Variants in GNPTAB observed in about 807,000 individuals in gnomAD.
The protein encoded by GNPTAB is N-acetylglucosamine-1-phosphotransferase subunits alpha/beta.
A neutral mutation model predicts 136.6 loss-of-function variants in GNPTAB; 92 were observed. The ratio of observed to expected loss-of-function variants is 0.67; its 90% CI spans 0.57 to 0.80. GNPTAB has a LOEUF of 0.80. GNPTAB is among the 30% of genes least tolerant of loss of function. The probability of loss-of-function intolerance (pLI) is 0.00; values close to 1 mark genes in which losing one functional copy is unlikely to be tolerated. For missense variants in GNPTAB, 1,343 were observed against 1,501.8 expected, an observed-to-expected ratio of 0.89 and a Z score of 1.75; for synonymous variants, 512 against 535.1, an observed-to-expected ratio of 0.96 and a Z score of 0.60.
Position 101,771,121 on chromosome 12 carries a change from T to C in GNPTAB, c.808A>G (p.Lys270Glu), listed in dbSNP as rs915523652. The C allele has an allele frequency of 6.2e-7, 1 of 1,613,956 alleles. No homozygotes were observed. The change falls in exon 8 of 21, where the codon AAA becomes GAA. Residue 270 changes from lysine (K) to glutamate (E), a missense_variant. Lys to Glu is a moderately conservative substitution (Grantham distance 56, BLOSUM62 1). Transcript: ENST00000299314. Reference protein sequence around the residue: ...LYSEASVALLKLNNPKDFQEL... With the variant: ...LYSEASVALLELNNPKDFQEL... ...TGAAAATCCTTGGGGTTATTCAGTT[T>C]TAGAAGCGCTACACTGGCCTCTGAA...
intron 19 of GNPTAB, among the ~76,000 whole-genome samples, chr12:101,749,526 C>G (rs1320727709): frequency 2.0e-5 from 3 of 152,194 alleles, no homozygotes; most frequent in African/African-American, 7.2e-5. Flanking sequence ...ATAAATACTT[C>G]CTGCGTATAT....
chr12:101,763,553 CCTCCCTCTGAACTTCTTGCCCATAT>C (rs1239728156), intron 13 of GNPTAB, among the ~76,000 whole-genome samples: 4 of 152,124 alleles, frequency 2.6e-5, no homozygotes, highest in Admixed American at 6.6e-5. Context: ...GCTAAGGAGT[CCTCCCTCTGAACTTCTTGCCCATAT>C]CTCAACACAG....
At chr12:101,816,349 A>T (rs1480251345) in intron 1 of GNPTAB, among the ~76,000 whole-genome samples, 5 of 152,206 alleles carry the variant, frequency 3.3e-5, no homozygotes, top group African/African-American at 9.7e-5. Context: ...TCAATGGCAT[A>T]AAAAAACCCA....
intron 13 of GNPTAB, 47 bp downstream of exon 13, chr12:101,764,155 T>C (rs770837150): frequency 6.2e-7 from 1 of 1,612,770 alleles, no homozygotes; most frequent in Non-Finnish European, 8.5e-7. Context: ...CATGAGATTA[T>C]TTACTCTTCC....
chr12:101,775,383 C>T (rs1435973070), intron 7 of GNPTAB, among the ~76,000 whole-genome samples: 4 of 136,768 alleles, frequency 2.9e-5, no homozygotes, highest in Admixed American at 7.7e-5. Flanking sequence ...TTTTTTGAGA[C>T]GGAGTCTCAC....
At chr12:101,825,692 T>C (rs1404936190) in intron 1 of GNPTAB, among the ~76,000 whole-genome samples, 1 of 88,226 alleles carries the variant, frequency 1.1e-5, no homozygotes, top group Non-Finnish European at 2.0e-5. Context: ...TAGTATAAAA[T>C]CCATTACAAG....
chr12:101,783,720 CTTTT>C (rs113705425), intron 5 of GNPTAB, among the ~76,000 whole-genome samples: 1 of 145,062 alleles, frequency 6.9e-6, no homozygotes, highest in African/African-American at 2.5e-5. Context: ...CTAAAAATAA[CTTTT>C]TTTTTTTTTT....
intron 15 of GNPTAB, among the ~76,000 whole-genome samples, chr12:101,760,417 C>A (rs1952975547): frequency 6.6e-6 from 1 of 152,140 alleles, no homozygotes; most frequent in South Asian, 2.1e-4. Context: ...TCATGCCCTG[C>A]AGCTAGATTC....
chr12:101,753,221 C>T, intron 19 of GNPTAB, 151 bp downstream of exon 19: 1 of 668,982 alleles, frequency 1.5e-6, no homozygotes, highest in Non-Finnish European at 2.5e-6. Context: ...CCATTGCACT[C>T]CAGCTTGGGC....
Position 101,745,549 on chromosome 12 carries a change from C to A in GNPTAB, c.*1615G>T, listed in dbSNP as rs148580184. The A allele has an allele frequency of 3.9e-5, 6 of 152,346 alleles. No homozygotes were observed. Among genetic ancestry groups the A allele is most frequent in the African/African-American group, 1.2e-4 (5 of 41,584 alleles). The allele number at this position is 152,346 out of a possible 1,614,324, so 9.4% of individuals were successfully genotyped here. A position where few individuals can be genotyped will look rare whatever the true frequency, so the allele number is the denominator to read the frequency against. On this transcript the variant is annotated 3_prime_UTR_variant, in exon 21 of 21. Transcript: ENST00000299314. Reference sequence around the variant, plus strand: ...AGATTTCAGTTTTTGAAATACACAACTCTTACAGCACAAACACAGTATTTA... The same window carrying A: ...AGATTTCAGTTTTTGAAATACACAAATCTTACAGCACAAACACAGTATTTA...
intron 8 of GNPTAB, 56 bp from the exon 9 acceptor site, chr12:101,770,641 T>C (rs1482951994): frequency 1.7e-6 from 2 of 1,196,712 alleles, no homozygotes; most frequent in East Asian, 4.8e-5. Flanking sequence ...TCATACCTCC[T>C]CCTCTTTGTC....
At chr12:101,811,949 C>CTT (rs1316237952) in intron 1 of GNPTAB, among the ~76,000 whole-genome samples, 1 of 150,212 alleles carries the variant, frequency 6.7e-6, no homozygotes, top group Non-Finnish European at 1.5e-5. Flanking sequence ...GTGCTACACA[C>CTT]TTTTAAACAA....
chr12:101,829,017 A>G (rs150279149), intron 1 of GNPTAB, among the ~76,000 whole-genome samples: 94 of 152,280 alleles, frequency 6.2e-4, no homozygotes, highest in African/African-American at 2.1e-3. Flanking sequence ...CTTACAAGTT[A>G]ACCACAGGCC....
At chr12:101,768,200 T>G in intron 10 of GNPTAB, 40 bp from the exon 11 acceptor site, 1 of 1,604,326 alleles carries the variant, frequency 6.2e-7, no homozygotes, top group Non-Finnish European at 8.5e-7. Flanking sequence ...GACTTCTGGC[T>G]TCTGATACAT....
At chr12:101,752,356 T>C (rs536339357) in intron 19 of GNPTAB, among the ~76,000 whole-genome samples, 3 of 152,124 alleles carry the variant, frequency 2.0e-5, no homozygotes, top group African/African-American at 7.2e-5. Context: ...ACCCAGGAGG[T>C]GGAGGTTGCA....
At chr12:101,824,404 C>CTATATATATATATATATA (rs1566102959) in intron 1 of GNPTAB, among the ~76,000 whole-genome samples, 5 of 56,446 alleles carry the variant, frequency 8.9e-5, no homozygotes, top group African/African-American at 2.5e-4. Flanking sequence ...AGAAATTTCA[C>CTATATATATATATATATA]CATATATATA....
intron 7 of GNPTAB, among the ~76,000 whole-genome samples, chr12:101,776,806 T>A (rs561637150): frequency 1.3e-5 from 2 of 152,222 alleles, no homozygotes; most frequent in Non-Finnish European, 2.9e-5. Flanking sequence ...TGTCCTGAGA[T>A]ACCCGTGGCC....
In GNPTAB at chr12:101,766,260, A is replaced by G. The variant is rs1402600750; in HGVS notation, c.1443T>C (p.Gly481=). The G allele has an allele frequency of 6.2e-7, 1 of 1,612,990 alleles. No homozygotes were observed. Among genetic ancestry groups the G allele is most frequent in the Non-Finnish European group, 8.5e-7 (1 of 1,179,404 alleles). The part of the protein sequence containing the change: ...NSGGSRYIAG[G]GGTGSIGVGQ... ...CAACTCCAATACTCCCAGTACCTCCACCTCCTGCAATATAGCGACTCCCTC... is the reference window on the plus strand; with the variant it reads ...CAACTCCAATACTCCCAGTACCTCCGCCTCCTGCAATATAGCGACTCCCTC... The change falls in exon 12 of 21, where the codon GGT becomes GGC. Residue 481 remains glycine (G), a synonymous_variant. Transcript: ENST00000299314.
chr12:101,783,937 T>C (rs1409311667), intron 5 of GNPTAB, among the ~76,000 whole-genome samples: 1 of 152,048 alleles, frequency 6.6e-6, no homozygotes, highest in Non-Finnish European at 1.5e-5. Flanking sequence ...AGTCTGGTTT[T>C]GAACTCCTGA....
Sources: gnomAD v4.1 joint callset for allele counts (sites outside exome capture counted in the v4.1 genomes callset) on GRCh38, gnomAD v4.1.1 for gene constraint, MANE v1.5 for transcripts, NCBI Gene and HGNC (gene_info 2026-07-23, HGNC 2026-07-21) for gene names.